LRRTM4: variants seen among roughly 807,000 people sequenced by gnomAD.
LRRTM4 encodes the protein leucine rich repeat transmembrane neuronal 4.
A neutral mutation model predicts 47.6 loss-of-function variants in LRRTM4; 25 were observed. The observed-to-expected ratio is 0.53, with a 90% CI of 0.38 to 0.73. LRRTM4 has a LOEUF of 0.73. Among genes scored for constraint, LRRTM4 ranks in the 30% least tolerant of loss-of-function variants. LRRTM4 has a pLI of 0.00. For missense variants in LRRTM4, 638 were observed against 713.4 expected (o/e 0.89, Z 1.20); for synonymous variants, 311 against 269.5 (o/e 1.15, Z -1.51).
At chr2:77,178,519 G>C (rs1673261084) in intron 3 of LRRTM4, among the ~76,000 whole-genome samples, 1 of 152,088 alleles carries the variant, frequency 6.6e-6, no homozygotes, top group African/African-American at 2.4e-5. Context: ...GCAGGAGGTG[G>C]AGGTTGCAGT....
At chr2:76,818,265 T>C (rs1427906119) in intron 3 of LRRTM4, among the ~76,000 whole-genome samples, 1 of 151,922 alleles carries the variant, frequency 6.6e-6, no homozygotes, top group Non-Finnish European at 1.5e-5. Context: ...TGGTGTTTTA[T>C]TGATTTGCTG....
rs1199059564 is a variant in LRRTM4 at position 77,111,297 on chromosome 2, T to A, written c.1552-362381A>T. On this transcript the variant is annotated intron_variant, in intron 3 of 3. Coordinates refer to ENST00000409884, the MANE Select transcript of LRRTM4 (RefSeq NM_001134745.3). ...CACACCTGGCTATTTTTTTTTTTTT[T>A]TTTTTGTATTTTATTAGAAACAGGG... Among the ~76,000 whole-genome samples the A allele has an allele frequency of 1.2e-3, 174 of 149,928 alleles. 1 individual carries two copies. Among genetic ancestry groups the A allele is most frequent in the Middle Eastern group, 3.4e-3 (1 of 292 alleles).
chr2:77,132,034 A>C (rs1426690000), intron 3 of LRRTM4, among the ~76,000 whole-genome samples: 2 of 152,150 alleles, frequency 1.3e-5, no homozygotes, highest in African/African-American at 4.8e-5. Context: ...CTATTTTGAA[A>C]TACGTGTTAC....
chr2:77,030,471 G>A (rs1678615550), intron 3 of LRRTM4, among the ~76,000 whole-genome samples: 2 of 152,086 alleles, frequency 1.3e-5, no homozygotes, highest in South Asian at 2.1e-4. Context: ...CAGTAAGTCG[G>A]TGTGTTTTCT....
At chr2:77,486,470 T>C (rs547490174) in intron 3 of LRRTM4, among the ~76,000 whole-genome samples, 1 of 152,216 alleles carries the variant, frequency 6.6e-6, no homozygotes, top group Non-Finnish European at 1.5e-5. Flanking sequence ...TTTGCACACA[T>C]ATTAAGAAAA....
chr2:76,960,037 C>A (rs1354065667), intron 3 of LRRTM4, among the ~76,000 whole-genome samples: 5 of 151,292 alleles, frequency 3.3e-5, no homozygotes, highest in Non-Finnish European at 7.4e-5. Flanking sequence ...GGCCTAAGGG[C>A]AAAACGACTT....
intron 3 of LRRTM4, among the ~76,000 whole-genome samples, chr2:77,188,460 T>C (rs1470699484): frequency 9.2e-5 from 14 of 152,196 alleles, no homozygotes. Flanking sequence ...AAATATTTGA[T>C]CACCGTTTAA....
chr2:76,756,658 C>A (rs1175313139), intron 3 of LRRTM4, among the ~76,000 whole-genome samples: 1 of 152,096 alleles, frequency 6.6e-6, no homozygotes, highest in African/African-American at 2.4e-5. Flanking sequence ...TCATAGTCAA[C>A]TGGTTCATTC....
Position 77,182,492 on chromosome 2 carries a change from A to G in LRRTM4, c.1551+335826T>C, listed in dbSNP as rs534038192. ...GGTGCAGCAAACCACCACGGCACAC[A>G]TATACCTCTGTAACAAACCTGCACA... On this transcript the variant is annotated intron_variant, in intron 3 of 3. Transcript: ENST00000409884. Among the ~76,000 whole-genome samples, 106 of 152,224 alleles carry G rather than the reference A, an allele frequency of 7.0e-4. 1 individual carries two copies. The highest frequency in any genetic ancestry group is 2.5e-3 in the African/African-American group (104 of 41,544).
chr2:77,456,016 T>A (rs1362906388), intron 3 of LRRTM4, among the ~76,000 whole-genome samples: 1 of 152,172 alleles, frequency 6.6e-6, no homozygotes, highest in Non-Finnish European at 1.5e-5. Flanking sequence ...CTGTAATTAG[T>A]GTGCACTCCT....
intron 3 of LRRTM4, among the ~76,000 whole-genome samples, chr2:77,293,033 G>A (rs1356926080): frequency 6.6e-6 from 1 of 151,784 alleles, no homozygotes; most frequent in Non-Finnish European, 1.5e-5. Flanking sequence ...AAATTTTTCA[G>A]TTTGACATAA....
rs149348720 is a variant in LRRTM4, at chr2:77,058,096, T to C, written c.1552-309180A>G. ...ACCTTATGGGAACATTTCATGGTAATGTCTATTTTTTCTAGCCCTGATTCC... is the reference window on the plus strand; with the variant it reads ...ACCTTATGGGAACATTTCATGGTAACGTCTATTTTTTCTAGCCCTGATTCC... On this transcript the variant is annotated intron_variant, in intron 3 of 3. Coordinates refer to ENST00000409884, the MANE Select transcript of LRRTM4 (RefSeq NM_001134745.3). Among the ~76,000 whole-genome samples the C allele has an allele frequency of 1.0e-3, 156 of 152,282 alleles. 1 individual carries two copies. The highest frequency in any genetic ancestry group is 3.6e-3 in the African/African-American group (151 of 41,560).
chr2:77,060,391 A>G (rs1216574863), intron 3 of LRRTM4, among the ~76,000 whole-genome samples: 3 of 152,140 alleles, frequency 2.0e-5, no homozygotes, highest in African/African-American at 4.8e-5. Context: ...ATTCAGATTA[A>G]ATGTCCTCAG....
chr2:76,859,841 C>A (rs1223484087), intron 3 of LRRTM4, among the ~76,000 whole-genome samples: 3 of 151,986 alleles, frequency 2.0e-5, no homozygotes, highest in Admixed American at 1.3e-4. Flanking sequence ...CATAAATATT[C>A]CAATCTTGTG....
At chr2:77,376,685 G>C (rs1373235307) in intron 3 of LRRTM4, among the ~76,000 whole-genome samples, 1 of 151,828 alleles carries the variant, frequency 6.6e-6, no homozygotes, top group East Asian at 1.9e-4. Context: ...CAGAGGTAAA[G>C]TGCTATTCTC....
At chr2:76,944,075 T>A (rs1218017971) in intron 3 of LRRTM4, among the ~76,000 whole-genome samples, 1 of 152,188 alleles carries the variant, frequency 6.6e-6, no homozygotes, top group Non-Finnish European at 1.5e-5. Flanking sequence ...ACCTAAGATA[T>A]TAATGTGACC....
At chr2:77,481,689 G>C (rs1233357341) in intron 3 of LRRTM4, among the ~76,000 whole-genome samples, 1 of 152,038 alleles carries the variant, frequency 6.6e-6, no homozygotes, top group African/African-American at 2.4e-5. Context: ...GAAACTGTGA[G>C]ATTCTTTCTG....
Position 77,029,414 on chromosome 2 carries a change from G to A in LRRTM4, c.1552-280498C>T, listed in dbSNP as rs146695789. ...CCCAAGAGCCCCTGGCAAACCATTC[G>A]TGTAAGTCCAAGAGTCCAAAGGCTG... On this transcript the variant is annotated intron_variant, in intron 3 of 3. Coordinates refer to ENST00000409884, the MANE Select transcript of LRRTM4 (RefSeq NM_001134745.3). 8.5e-3 allele frequency among the ~76,000 whole-genome samples: 1,296 copies of A among 152,160 alleles called. 18 individuals are homozygous for A. Among genetic ancestry groups the A allele is most frequent in the African/African-American group, 0.029 (1,185 of 41,518 alleles).
chr2:77,167,284 T>C (rs1302568763), intron 3 of LRRTM4, among the ~76,000 whole-genome samples: 1 of 152,090 alleles, frequency 6.6e-6, no homozygotes, highest in African/African-American at 2.4e-5. Flanking sequence ...ATGGTGATCA[T>C]TAAAAAGTCA....
Sources: allele counts gnomAD v4.1 joint callset (sites outside exome capture counted in the v4.1 genomes callset), GRCh38; gene constraint gnomAD v4.1.1; transcripts MANE v1.5; gene names NCBI Gene and HGNC (gene_info 2026-07-23, HGNC 2026-07-21).